PVR: variants seen among roughly 807,000 people sequenced by gnomAD.
PVR encodes poliovirus receptor.
PVR carries 39 observed loss-of-function variants against 43.3 expected under a neutral mutation model. The observed-to-expected ratio is 0.90, with a 90% CI of 0.70 to 1.18. PVR has a LOEUF of 1.18. PVR is among the 50% of genes most tolerant of loss of function. The probability of loss-of-function intolerance (pLI) is 0.00; values close to 1 mark genes in which losing one functional copy is unlikely to be tolerated. For missense variants in PVR, 480 were observed against 549.7 expected (o/e 0.87, Z 1.27); for synonymous variants, 224 against 233.2 (o/e 0.96, Z 0.36).
chr19:44,645,147 TATA>T (rs1329697783), intron 1 of PVR, among the ~76,000 whole-genome samples: 1 of 74,474 alleles, frequency 1.3e-5, no homozygotes, highest in Non-Finnish European at 2.5e-5. Flanking sequence ...TATATATTAT[TATA>T]ATATATAATA....
chr19:44,661,742 T>C lies in PVR; in HGVS notation c.1185T>C (p.His395=), dbSNP rs747900309. Residue 395 remains histidine, a splice_region_variant and synonymous_variant, in exon 8 of 8, where the codon CAT becomes CAC. Coordinates refer to ENST00000425690, the MANE Select transcript of PVR (RefSeq NM_006505.5). Reference sequence around the variant, plus strand: ...AAAATTTGAAAACCCTCTTCTAGCATGTCTCCTATTCAGCTGTGAGCAGAG... The same window carrying C: ...AAAATTTGAAAACCCTCTTCTAGCACGTCTCCTATTCAGCTGTGAGCAGAG... ...TEHASASANG[H]VSYSAVSREN... is the part of the protein sequence containing the mutation. The C allele has an allele frequency of 3.4e-5, 55 of 1,613,990 alleles. No individual in the cohort carries two copies. In the South Asian group the frequency reaches 5.1e-4, roughly 15 times the overall value.
intron 1 of PVR, 127 bp downstream of exon 1, chr19:44,644,302 G>T: frequency 1.5e-6 from 1 of 669,780 alleles, no homozygotes; most frequent in Non-Finnish European, 2.3e-6. Flanking sequence ...CCCCATCTCT[G>T]CCCCGGGGTT....
chr19:44,660,874 A>G (rs181281870), intron 6 of PVR, among the ~76,000 whole-genome samples: 7 of 152,198 alleles, frequency 4.6e-5, no homozygotes, highest in Admixed American at 2.6e-4. Flanking sequence ...CCCAGCACCT[A>G]GAATGTACCT....
chr19:44,659,110 T>C (rs1568506038), intron 6 of PVR: 2 of 501,968 alleles, frequency 4.0e-6, no homozygotes, highest in Non-Finnish European at 3.5e-6. Flanking sequence ...GCGTATAGGG[T>C]CTTAATGCCA....
chr19:44,647,668 G>C, intron 2 of PVR, 98 bp downstream of exon 2: 229 of 640,638 alleles, frequency 3.6e-4, no homozygotes, highest in Non-Finnish European at 4.7e-4. Flanking sequence ...GAGGGAGGGA[G>C]ATTCCCTCCA....
At chr19:44,651,167 C>G (rs1287469206) in intron 3 of PVR, among the ~76,000 whole-genome samples, 1 of 152,156 alleles carries the variant, frequency 6.6e-6, no homozygotes, top group Non-Finnish European at 1.5e-5. Context: ...TGCACCTGGC[C>G]CCTTGTCCAT....
chr19:44,655,663 TC>T (rs575825021), intron 4 of PVR, among the ~76,000 whole-genome samples: 7 of 152,228 alleles, frequency 4.6e-5, no homozygotes, highest in Middle Eastern at 3.4e-3. Context: ...AACTCCATTT[TC>T]CCCCACGTTG....
intron 4 of PVR, 30 bp downstream of exon 4, chr19:44,654,047 T>A: frequency 1.3e-6 from 2 of 1,533,320 alleles, no homozygotes; most frequent in Non-Finnish European, 1.8e-6. Flanking sequence ...GAGGAGGGGC[T>A]GGGGGTCTGG....
chr19:44,654,867 T>C (rs1973396890), intron 4 of PVR, among the ~76,000 whole-genome samples: 1 of 152,128 alleles, frequency 6.6e-6, no homozygotes, highest in Admixed American at 6.6e-5. Flanking sequence ...CACTCTAGAC[T>C]GTAACCACCT....
rs80109069 is a variant in PVR at position 44,644,140 on chromosome 19, C to A, written c.44C>A (p.Ala15Glu). Reference sequence around the variant, plus strand: ...GCCGCGTGGCCGCTGCTGCTGGTGGCGCTACTGGTGCTGTCCTGGCCACCC... The same window carrying A: ...GCCGCGTGGCCGCTGCTGCTGGTGGAGCTACTGGTGCTGTCCTGGCCACCC... The part of the protein sequence containing the change: ...MAAAWPLLLV[A>E]LLVLSWPPPG... Residue 15 changes from alanine (A) to glutamate (E), a missense_variant, in exon 1 of 8, where the codon GCG becomes GAG. Coordinates refer to ENST00000425690, the MANE Select transcript of PVR (RefSeq NM_006505.5). 21 of 1,519,802 alleles carry A rather than the reference C, an allele frequency of 1.4e-5. No individual in the cohort carries two copies. In the African/African-American group the frequency reaches 2.9e-4, roughly 21 times the overall value. The allele number at this position is 1,519,802 out of a possible 1,614,324, so 94.1% of individuals were successfully genotyped here. A position where few individuals can be genotyped will look rare whatever the true frequency, so the allele number is the denominator to read the frequency against.
chr19:44,658,779 C>T lies in PVR; in HGVS notation c.1029C>T (p.Asn343=), dbSNP rs745314243. ...PPSEHSGMSR[N]AIIFLVLGIL... Reference sequence around the variant, plus strand: ...GTGAGCACTCAGGCATGTCCCGTAACGCCATCATCTTCCTGGTTCTGGGAA... The same window carrying T: ...GTGAGCACTCAGGCATGTCCCGTAATGCCATCATCTTCCTGGTTCTGGGAA... The change falls in exon 6 of 8, where the codon AAC becomes AAT. Residue 343 remains asparagine, a synonymous_variant. Transcript: ENST00000425690. 86 of 1,611,926 alleles carry T rather than the reference C, an allele frequency of 5.3e-5. No homozygotes were observed. The highest frequency in any genetic ancestry group is 1.5e-4 in the Admixed American group (9 of 59,994).
At chr19:44,655,140 G>C (rs1193080794) in intron 4 of PVR, among the ~76,000 whole-genome samples, 1 of 152,110 alleles carries the variant, frequency 6.6e-6, no homozygotes, top group Non-Finnish European at 1.5e-5. Context: ...CTGGAGTGCA[G>C]TGGCGTGATC....
In PVR at chr19:44,647,587, G is replaced by C. The variant is rs1337368979; in HGVS notation, c.427+17G>C. The C allele has an allele frequency of 3.1e-6, 5 of 1,589,694 alleles. No individual in the cohort carries two copies. The highest frequency in any genetic ancestry group is 4.3e-6 in the Non-Finnish European group (5 of 1,166,466). ...GAGTGCTTGGTGAGCAGGGGGTTTT[G>C]GGGAGGCTGAATGAAAGGCAGAGAC... On this transcript the variant is annotated intron_variant, in intron 2 of 7. Coordinates refer to ENST00000425690, the MANE Select transcript of PVR (RefSeq NM_006505.5).
At chr19:44,646,866 G>A (rs648256) in intron 1 of PVR, among the ~76,000 whole-genome samples, 1 of 152,218 alleles carries the variant, frequency 6.6e-6, no homozygotes, top group Non-Finnish European at 1.5e-5. Context: ...TGAACTGTAT[G>A]CTTTAAATGA....
chr19:44,644,214 C>G, intron 1 of PVR, 39 bp downstream of exon 1: 1 of 1,428,752 alleles, frequency 7.0e-7, no homozygotes, highest in South Asian at 1.4e-5. Context: ...CCCTGTCTGG[C>G]TCCCAGCTCC....
At chr19:44,645,723 G>A (rs1178186514) in intron 1 of PVR, among the ~76,000 whole-genome samples, 1 of 151,784 alleles carries the variant, frequency 6.6e-6, no homozygotes, top group African/African-American at 2.4e-5. Context: ...CACTTTGGGA[G>A]GCTGTGGTGG....
In PVR at chr19:44,661,887, T is replaced by C. The variant is rs1973602048; in HGVS notation, c.*76T>C. The C allele has an allele frequency of 7.4e-7, 1 of 1,356,178 alleles. No homozygotes were observed. Among genetic ancestry groups the C allele is most frequent in the Admixed American group, 1.7e-5 (1 of 58,438 alleles). 84.0% of individuals were successfully genotyped at this position (1,356,178 alleles called of 1,614,324 possible). The stretch of plus-strand genomic sequence containing the variant: ...CCTCCAGAGTTGGACCCGACCCCAA[T>C]GGATGAAGACCCCCTCCAAAGAGAC... On this transcript the variant is annotated 3_prime_UTR_variant, in exon 8 of 8. Coordinates refer to ENST00000425690, the MANE Select transcript of PVR (RefSeq NM_006505.5).
intron 1 of PVR, among the ~76,000 whole-genome samples, chr19:44,646,973 A>C (rs1973134057): frequency 6.6e-6 from 1 of 152,178 alleles, no homozygotes; most frequent in Non-Finnish European, 1.5e-5. Flanking sequence ...TAATAGAAGA[A>C]ATACGGTAAT....
Position 44,658,765 on chromosome 19 carries a change from G to A in PVR, c.1015G>A (p.Gly339Ser). Residue 339 changes from glycine (G) to serine (S), a missense_variant, in exon 6 of 8, where the codon GGC becomes AGC. By Grantham distance (56) the Gly-to-Ser change is moderately conservative. Coordinates refer to ENST00000425690, the MANE Select transcript of PVR (RefSeq NM_006505.5). Reference sequence around the variant, plus strand: ...AGAGGGACCTCCCAGTGAGCACTCAGGCATGTCCCGTAACGCCATCATCTT... The same window carrying A: ...AGAGGGACCTCCCAGTGAGCACTCAAGCATGTCCCGTAACGCCATCATCTT... The part of the protein sequence containing the change: ...VKEGPPSEHS[G>S]MSRNAIIFLV... The A allele has an allele frequency of 6.2e-7, 1 of 1,610,850 alleles. No homozygotes were observed. Among genetic ancestry groups the A allele is most frequent in the Non-Finnish European group, 8.5e-7 (1 of 1,177,058 alleles).
Sources: gnomAD v4.1 joint callset for allele counts (sites outside exome capture counted in the v4.1 genomes callset) on GRCh38, gnomAD v4.1.1 for gene constraint, MANE v1.5 for transcripts, NCBI Gene and HGNC (gene_info 2026-07-23, HGNC 2026-07-21) for gene names.